Variants in MRTFA observed in about 807,000 individuals in gnomAD.
MRTFA encodes myocardin related transcription factor A, also known as myocardin-related transcription factor A.
Under a neutral mutation model 83.5 loss-of-function variants are expected in MRTFA, and 20 were observed. The observed-to-expected ratio is 0.24, with a 90% CI of 0.17 to 0.35. MRTFA has a LOEUF of 0.35. Among genes scored for constraint, MRTFA ranks in the 10% least tolerant of loss-of-function variants. The pLI is 1.00. For missense variants in MRTFA, 1,200 were observed against 1,224.7 expected, an observed-to-expected ratio of 0.98 and a Z score of 0.30; for synonymous variants, 659 against 541.2, an observed-to-expected ratio of 1.22 and a Z score of -3.02.
intron 2 of MRTFA, among the ~76,000 whole-genome samples, chr22:40,558,024 T>C (rs563399608): frequency 2.0e-5 from 3 of 152,236 alleles, no homozygotes; most frequent in South Asian, 2.1e-4. Flanking sequence ...GCCACCTGCC[T>C]TGGCCTCCCA....
chr22:40,594,176 TAACAAAATTTACAGTTGCCA>T (rs2056159184), intron 2 of MRTFA, among the ~76,000 whole-genome samples: 1 of 152,228 alleles, frequency 6.6e-6, no homozygotes, highest in African/African-American at 2.4e-5. Context: ...CTGTCATCAG[TAACAAAATTTACAGTTGCCA>T]GTAATGGCCT....
intron 3 of MRTFA, among the ~76,000 whole-genome samples, chr22:40,532,081 G>A (rs1319251669): frequency 6.6e-6 from 1 of 152,262 alleles, no homozygotes; most frequent in African/African-American, 2.4e-5. Context: ...TGAAGTAGCT[G>A]GTCCAACAGA....
chr22:40,535,680 T>A (rs1232726144), intron 3 of MRTFA, among the ~76,000 whole-genome samples: 2 of 152,102 alleles, frequency 1.3e-5, no homozygotes, highest in African/African-American at 4.8e-5. Flanking sequence ...GTCTCTCTAG[T>A]AATGAGGGTT....
chr22:40,502,614 G>A (rs919824266), intron 3 of MRTFA, among the ~76,000 whole-genome samples: 6 of 147,166 alleles, frequency 4.1e-5, no homozygotes, highest in Non-Finnish European at 6.0e-5. Context: ...GACGATGGGC[G>A]GCCAGGCAGA....
At chr22:40,520,880 A>C (rs1197217222) in intron 3 of MRTFA, among the ~76,000 whole-genome samples, 1 of 152,168 alleles carries the variant, frequency 6.6e-6, no homozygotes, top group East Asian at 1.9e-4. Context: ...CTGTGTAAAA[A>C]TACACAGACA....
chr22:40,562,261 G>C (rs936601097), intron 2 of MRTFA, among the ~76,000 whole-genome samples: 1 of 150,040 alleles, frequency 6.7e-6, no homozygotes, highest in African/African-American at 2.5e-5. Flanking sequence ...CAGAAGGGCA[G>C]AGGAATCCAG....
rs1034925203 is a variant in MRTFA at position 40,416,106 on chromosome 22, G to A, written c.2578+880C>T. Among the ~76,000 whole-genome samples, 5 of 152,084 alleles carry A rather than the reference G, an allele frequency of 3.3e-5. No homozygotes were observed. Among genetic ancestry groups the A allele is most frequent in the South Asian group, 2.1e-4 (1 of 4,826 alleles). On this transcript the variant is annotated intron_variant, in intron 14 of 14. Coordinates refer to ENST00000355630, the MANE Select transcript of MRTFA (RefSeq NM_020831.6). This position sits in a 1 kb window ranked among gnomAD's most constrained non-coding sequence, Gnocchi z 4.2. Reference sequence around the variant, plus strand: ...CGTGACACACCCCATCAGGGACCGCGCAATGTGGTCCCACACGTGCCCCCT... The same window carrying A: ...CGTGACACACCCCATCAGGGACCGCACAATGTGGTCCCACACGTGCCCCCT...
chr22:40,496,434 C>T (rs2054357093), intron 3 of MRTFA, among the ~76,000 whole-genome samples: 1 of 146,984 alleles, frequency 6.8e-6, no homozygotes, highest in African/African-American at 2.5e-5. Flanking sequence ...TTCTCTTTCT[C>T]CCTTTTGTTT....
intron 4 of MRTFA, among the ~76,000 whole-genome samples, chr22:40,457,297 G>GGA (rs2053601968): frequency 6.6e-6 from 1 of 151,852 alleles, no homozygotes; most frequent in African/African-American, 2.4e-5. Flanking sequence ...CCCAGGAGGC[G>GGA]GAGGTTGCAG....
chr22:40,627,057 G>A (rs1602512057), intron 1 of MRTFA, among the ~76,000 whole-genome samples: 1 of 151,442 alleles, frequency 6.6e-6, no homozygotes, highest in Admixed American at 6.6e-5. Context: ...AGAGACCCTG[G>A]ATCACTTACC....
intron 1 of MRTFA, among the ~76,000 whole-genome samples, chr22:40,610,171 C>T (rs1415889249): frequency 6.6e-6 from 1 of 151,250 alleles, no homozygotes; most frequent in Non-Finnish European, 1.5e-5. Context: ...CTCAGCCTCC[C>T]GGGTAGCTGG....
At chr22:40,493,320 C>T (rs970160752) in intron 3 of MRTFA, among the ~76,000 whole-genome samples, 6 of 152,144 alleles carry the variant, frequency 3.9e-5, no homozygotes, top group African/African-American at 1.2e-4. Context: ...GAAAGCTAAG[C>T]GAGGCATGCA....
Position 40,583,135 on chromosome 22 carries a change from G to A in MRTFA, c.-22+11539C>T, listed in dbSNP as rs77201038. Among the ~76,000 whole-genome samples the A allele has an allele frequency of 7.1e-3, 1,077 of 152,242 alleles. 13 individuals carry two copies. The highest frequency in any genetic ancestry group is 0.025 in the African/African-American group (1,038 of 41,522). The stretch of plus-strand genomic sequence containing the variant: ...TATTCTTCCCTGATTAAAAAAAACA[G>A]AGCTTTGTTTTGCCTGTAACAGACA... On this transcript the variant is annotated intron_variant, in intron 2 of 14. Coordinates refer to ENST00000355630, the MANE Select transcript of MRTFA (RefSeq NM_020831.6).
At chr22:40,632,990 T>C (rs1272845560) in intron 1 of MRTFA, among the ~76,000 whole-genome samples, 2 of 152,198 alleles carry the variant, frequency 1.3e-5, no homozygotes, top group Non-Finnish European at 2.9e-5. Flanking sequence ...TTTGCTGAAT[T>C]GTGTCAGTGG....
intron 2 of MRTFA, among the ~76,000 whole-genome samples, chr22:40,571,026 CAAAAAAAAAAAAAAAAAAA>C (rs71199292): frequency 1.1e-4 from 5 of 46,734 alleles, no homozygotes; most frequent in African/African-American, 2.8e-4. Flanking sequence ...CCTGTCTCTA[CAAAAAAAAAAAAAAAAAAA>C]AAAAAAAAAA....
At chr22:40,568,438 C>T (rs2055737366) in intron 2 of MRTFA, among the ~76,000 whole-genome samples, 1 of 152,160 alleles carries the variant, frequency 6.6e-6, no homozygotes, top group Non-Finnish European at 1.5e-5. Context: ...TACAACGAAT[C>T]TTGACAATTT....
At chr22:40,541,909 G>A (rs2055297329) in intron 3 of MRTFA, among the ~76,000 whole-genome samples, 2 of 152,042 alleles carry the variant, frequency 1.3e-5, no homozygotes, top group African/African-American at 4.8e-5. Context: ...CTCATAATCA[G>A]CCTGCCTCGG....
At chr22:40,449,333 TGGGGACA>T (rs1004946979) in intron 4 of MRTFA, among the ~76,000 whole-genome samples, 34 of 149,734 alleles carry the variant, frequency 2.3e-4, no homozygotes, top group African/African-American at 7.6e-4. Flanking sequence ...TCTTGAATCA[TGGGGACA>T]GGGCAATCTT....
At chr22:40,530,853 A>G (rs574216509) in intron 3 of MRTFA, among the ~76,000 whole-genome samples, 69 of 152,348 alleles carry the variant, frequency 4.5e-4, no homozygotes, top group African/African-American at 1.4e-3. Context: ...ATTTCTTAAT[A>G]TAAGAACAGA....
Sources: allele counts gnomAD v4.1 joint callset (sites outside exome capture counted in the v4.1 genomes callset), GRCh38; gene constraint gnomAD v4.1.1; non-coding constraint Gnocchi (gnomAD v3.1); transcripts MANE v1.5; gene names NCBI Gene and HGNC (gene_info 2026-07-23, HGNC 2026-07-21).